Variants in SLC16A14 observed in about 807,000 individuals in gnomAD.
SLC16A14 encodes monocarboxylate transporter 14.
A neutral mutation model predicts 35.8 loss-of-function variants in SLC16A14; 14 were observed. The observed-to-expected ratio is 0.39, with a 90% CI of 0.26 to 0.61. SLC16A14 has a LOEUF of 0.61. Among genes scored for constraint, SLC16A14 ranks in the 20% least tolerant of loss-of-function variants. SLC16A14 has a pLI of 0.51. For missense variants in SLC16A14, 533 were observed against 655.0 expected (o/e 0.81, Z 2.03); for synonymous variants, 248 against 258.9 (o/e 0.96, Z 0.40).
In SLC16A14 at chr2:230,037,357, C is replaced by A. The variant is rs774958543; in HGVS notation, c.*23G>T. On this transcript the variant is annotated 3_prime_UTR_variant, in exon 5 of 5. Coordinates refer to ENST00000295190, the MANE Select transcript of SLC16A14 (RefSeq NM_152527.5). Reference sequence around the variant, plus strand: ...GGTAGGCATGAGTATTACAATGAAACCTACACGGAACATTACATGATACTA... The same window carrying A: ...GGTAGGCATGAGTATTACAATGAAAACTACACGGAACATTACATGATACTA... 25 of 1,566,442 alleles carry A rather than the reference C, an allele frequency of 1.6e-5. No homozygotes were observed. Among genetic ancestry groups the A allele is most frequent in the South Asian group, 1.2e-5 (1 of 82,148 alleles).
At chr2:230,066,297 A>G (rs578051412) in intron 1 of SLC16A14, among the ~76,000 whole-genome samples, 1 of 151,494 alleles carries the variant, frequency 6.6e-6, no homozygotes, top group South Asian at 2.1e-4. Context: ...GAACGAGACT[A>G]CCTCAAGAAA....
Position 230,068,317 on chromosome 2 carries a change from C to G in SLC16A14, c.-15+238G>C, listed in dbSNP as rs1324325472. 1 of 152,364 alleles carries G rather than the reference C, an allele frequency of 6.6e-6. No homozygotes were observed. Among genetic ancestry groups the G allele is most frequent in the East Asian group, 1.9e-4 (1 of 5,168 alleles). The allele number at this position is 152,364 out of a possible 1,614,324, so 9.4% of individuals were successfully genotyped here. A position where few individuals can be genotyped will look rare whatever the true frequency, so the allele number is the denominator to read the frequency against. The stretch of plus-strand genomic sequence containing the variant: ...CGCCTGGCGGTCTGCCCTGAACCGC[C>G]GGTTACCCTGCCCGCCCGCAGCTCC... On this transcript the variant is annotated intron_variant, in intron 1 of 4. Transcript: ENST00000295190. This position sits in a 1 kb window ranked among gnomAD's most constrained non-coding sequence, Gnocchi z 5.1.
intron 4 of SLC16A14, among the ~76,000 whole-genome samples, chr2:230,042,609 A>C (rs1207827629): frequency 6.6e-6 from 1 of 152,162 alleles, no homozygotes; most frequent in Admixed American, 6.5e-5. Flanking sequence ...CTCCAACAAG[A>C]GGGTGGAGGA....
In SLC16A14 at chr2:230,047,506, T is replaced by C. The variant is rs1478911054; in HGVS notation, c.404-784A>G. ...TTTTTGTAGACACGTGGTTTCACCA[T>C]GTTGCCCAAGCTGGTCTCAAACTCC... On this transcript the variant is annotated intron_variant, in intron 3 of 4. Transcript: ENST00000295190. Among the ~76,000 whole-genome samples the C allele has an allele frequency of 1.3e-5, 2 of 152,096 alleles. 1 individual carries two copies. Among genetic ancestry groups the C allele is most frequent in the African/African-American group, 4.8e-5 (2 of 41,430 alleles).
intron 3 of SLC16A14, among the ~76,000 whole-genome samples, chr2:230,047,697 A>T (rs1023071804): frequency 1.3e-5 from 2 of 152,202 alleles, no homozygotes; most frequent in African/African-American, 4.8e-5. Context: ...GTACTAATGT[A>T]TTCTATATTT....
rs1296768888 is a variant in SLC16A14 at position 230,038,562 on chromosome 2, A to AT, written c.1382-1032dup. On this transcript the variant is annotated intron_variant, in intron 4 of 4. Coordinates refer to ENST00000295190, the MANE Select transcript of SLC16A14 (RefSeq NM_152527.5). This position sits in a 1 kb window ranked among gnomAD's most constrained non-coding sequence, Gnocchi z 4.4. Reference sequence around the variant, plus strand: ...GTAAAAATGTAAATTTTGAACATTCATTTTTTTCCCTTTTAGTAAGTACAT... The same window carrying AT: ...GTAAAAATGTAAATTTTGAACATTCATTTTTTTTCCCTTTTAGTAAGTACAT... Among the ~76,000 whole-genome samples, 7 of 152,222 alleles carry AT rather than the reference A, an allele frequency of 4.6e-5. No individual in the cohort carries two copies. Among genetic ancestry groups the AT allele is most frequent in the East Asian group, 1.9e-4 (1 of 5,184 alleles).
At chr2:230,047,889 G>A (rs988632847) in intron 3 of SLC16A14, among the ~76,000 whole-genome samples, 3 of 152,120 alleles carry the variant, frequency 2.0e-5, no homozygotes, top group Non-Finnish European at 2.9e-5. Context: ...AATGTATTAT[G>A]TATAATAAGG....
At position 230,049,749 on chromosome 2, in the gene SLC16A14, C is replaced by T; in HGVS notation, c.403+12G>A. On this transcript the variant is annotated intron_variant, in intron 3 of 4. Transcript: ENST00000295190. ...CATTTAAAATCGAGTTTAAAAAAAG[C>T]CACATGCTTACCAGCTGCGACTCCA... 1 of 1,610,344 alleles carries T rather than the reference C, an allele frequency of 6.2e-7. No homozygotes were observed. The highest frequency in any genetic ancestry group is 8.5e-7 in the Non-Finnish European group (1 of 1,177,410).
intron 4 of SLC16A14, among the ~76,000 whole-genome samples, chr2:230,042,944 A>G (rs1489089157): frequency 6.6e-6 from 1 of 152,194 alleles, no homozygotes; most frequent in East Asian, 1.9e-4. Flanking sequence ...GGAAAGGGCC[A>G]AGAGGATGTC....
At chr2:230,048,643 G>T (rs531327935) in intron 3 of SLC16A14, among the ~76,000 whole-genome samples, 5 of 152,214 alleles carry the variant, frequency 3.3e-5, no homozygotes, top group Non-Finnish European at 7.4e-5. Flanking sequence ...TTATTATAAG[G>T]CCGGGTGCTG....
chr2:230,056,134 G>T (rs1035737404), intron 2 of SLC16A14, among the ~76,000 whole-genome samples: 1 of 151,898 alleles, frequency 6.6e-6, no homozygotes. Context: ...AAAACTATCC[G>T]TATTAATTCC....
At chr2:230,066,958 T>C (rs2077801604) in intron 1 of SLC16A14, 3 of 210,772 alleles carry the variant, frequency 1.4e-5, no homozygotes, top group Admixed American at 1.1e-4. Flanking sequence ...GCTATTGTTA[T>C]TACATTGCAT....
At chr2:230,047,595 G>A (rs1421602823) in intron 3 of SLC16A14, among the ~76,000 whole-genome samples, 2 of 152,166 alleles carry the variant, frequency 1.3e-5, no homozygotes, top group African/African-American at 4.8e-5. Flanking sequence ...GGGAGCCACT[G>A]CTCCTGGCCA....
In SLC16A14 at chr2:230,046,452, T is replaced by C; in HGVS notation, c.674A>G (p.Asp225Gly). 6.2e-7 allele frequency: 1 copy of C among 1,614,188 alleles called. No homozygotes were observed. Among genetic ancestry groups the C allele is most frequent in the African/African-American group, 1.3e-5 (1 of 75,066 alleles). Residue 225 changes from aspartate (D) to glycine (G), a missense_variant, in exon 4 of 5, where the codon GAT becomes GGT. By Grantham distance (94) the Asp-to-Gly change is moderately conservative. Transcript: ENST00000295190. The surrounding 1 kb of genome is among the most constrained non-coding windows in gnomAD (Gnocchi z 5.0). ...GKNPNDPGEK[D>G]VRGLPAHSTE... ...GGAGTGCGCTGGCAGGCCACGCACA[T>C]CTTTCTCTCCTGGGTCGTTTGGGTT... is the stretch of plus-strand genomic sequence containing the variant.
At chr2:230,061,356 A>G (rs186084500) in intron 1 of SLC16A14, among the ~76,000 whole-genome samples, 56 of 152,334 alleles carry the variant, frequency 3.7e-4, no homozygotes, top group Non-Finnish European at 7.2e-4. Context: ...CATGGAAGTT[A>G]TTTCAAGAAC....
At chr2:230,047,272 G>T (rs1239986115) in intron 3 of SLC16A14, among the ~76,000 whole-genome samples, 1 of 149,598 alleles carries the variant, frequency 6.7e-6, no homozygotes, top group Non-Finnish European at 1.5e-5. Flanking sequence ...TTATAGGGAA[G>T]AGTTTCTAAT....
rs2077534606 is a variant in SLC16A14, at chr2:230,038,355, A to T, written c.1382-824T>A. On this transcript the variant is annotated intron_variant, in intron 4 of 4. Transcript: ENST00000295190. This position sits in a 1 kb window ranked among gnomAD's most constrained non-coding sequence, Gnocchi z 4.4. ...AAATATGACTCAGTATTTCCTCAGG[A>T]CTTTGTAAAAGGCATTCTAATTTGA... 6.6e-6 allele frequency among the ~76,000 whole-genome samples: 1 copy of T among 152,126 alleles called. No individual in the cohort carries two copies. Among genetic ancestry groups the T allele is most frequent in the Non-Finnish European group, 1.5e-5 (1 of 68,024 alleles).
intron 4 of SLC16A14, among the ~76,000 whole-genome samples, chr2:230,039,845 C>A (rs1375565234): frequency 6.6e-6 from 1 of 152,078 alleles, no homozygotes. Flanking sequence ...TTAACGTGAA[C>A]CTCGAAAATA....
chr2:230,068,501 C>T lies in SLC16A14; in HGVS notation c.-15+54G>A, dbSNP rs1294285395. The T allele has an allele frequency of 2.0e-5, 3 of 152,884 alleles. No individual in the cohort carries two copies. The East Asian group carries it at 5.8e-4, about 30-fold the overall frequency. 9.5% of individuals were successfully genotyped at this position (152,884 alleles called of 1,614,324 possible). A position where few individuals can be genotyped will look rare whatever the true frequency, so the allele number is the denominator to read the frequency against. On this transcript the variant is annotated intron_variant, in intron 1 of 4. Coordinates refer to ENST00000295190, the MANE Select transcript of SLC16A14 (RefSeq NM_152527.5). This position sits in a 1 kb window ranked among gnomAD's most constrained non-coding sequence, Gnocchi z 5.1. ...CATCTGAAACCTAGGCTCCGATGCCCCCGGCGTCGCTCCATTCCCCAGGCC... is the reference window on the plus strand; with the variant it reads ...CATCTGAAACCTAGGCTCCGATGCCTCCGGCGTCGCTCCATTCCCCAGGCC...
Sources: gnomAD v4.1 joint callset for allele counts (sites outside exome capture counted in the v4.1 genomes callset) on GRCh38, gnomAD v4.1.1 for gene constraint, Gnocchi (gnomAD v3.1) non-coding constraint, MANE v1.5 for transcripts, NCBI Gene and HGNC (gene_info 2026-07-23, HGNC 2026-07-21) for gene names.